The following RNLS variants were observed in gnomAD, a reference collection of about 807,000 sequenced individuals.
The protein encoded by RNLS is renalase, FAD dependent amine oxidase, also known as renalase.
In RNLS, 39 loss-of-function variants were observed where a neutral mutation model predicts 39.8. That is an observed-to-expected ratio of 0.98 (90% confidence interval 0.76 to 1.28). The LOEUF is 1.28. RNLS is among the 50% of genes most tolerant of loss of function. The pLI, the probability that RNLS is intolerant of heterozygous loss-of-function variation, is 0.00. For missense variants in RNLS, 410 were observed against 413.3 expected (o/e 0.99, Z 0.07); for synonymous variants, 147 against 150.7 (o/e 0.98, Z 0.18).
At chr10:88,526,880 C>T (rs927652478) in intron 4 of RNLS, among the ~76,000 whole-genome samples, 16 of 151,640 alleles carry the variant, frequency 1.1e-4, no homozygotes, top group Middle Eastern at 3.4e-3. Flanking sequence ...CCAGTAAAGC[C>T]GCAGAACTGC....
chr10:88,281,002 G>C (rs1842990485), downstream of RNLS, among the ~76,000 whole-genome samples: 1 of 152,122 alleles, frequency 6.6e-6, no homozygotes, highest in South Asian at 2.1e-4. Context: ...CTGTTGAGTG[G>C]ACAATAATTA....
At chr10:88,533,308 G>A (rs552350911) in intron 4 of RNLS, among the ~76,000 whole-genome samples, 3 of 152,016 alleles carry the variant, frequency 2.0e-5, no homozygotes, top group African/African-American at 4.8e-5. Context: ...GCTGAGGATA[G>A]AATAAAAGGA....
At chr10:88,527,416 G>A (rs1361109555) in intron 4 of RNLS, among the ~76,000 whole-genome samples, 2 of 152,116 alleles carry the variant, frequency 1.3e-5, no homozygotes, top group African/African-American at 4.8e-5. Flanking sequence ...TAAAATCCAA[G>A]CCCTGCTCCA....
intron 4 of RNLS, among the ~76,000 whole-genome samples, chr10:88,392,947 C>A (rs1228967761): frequency 6.6e-6 from 1 of 152,172 alleles, no homozygotes; most frequent in Non-Finnish European, 1.5e-5. Flanking sequence ...ACATGATTAT[C>A]TCAATAGATG....
At chr10:88,294,252 T>C (rs897084776) in intron 6 of RNLS, among the ~76,000 whole-genome samples, 3 of 152,152 alleles carry the variant, frequency 2.0e-5, no homozygotes, top group Non-Finnish European at 4.4e-5. Context: ...TGTCAATAAA[T>C]GAAGGAGAGA....
chr10:88,276,505 C>G (rs1195039227), intron 6 of RNLS, among the ~76,000 whole-genome samples: 1 of 151,892 alleles, frequency 6.6e-6, no homozygotes, highest in African/African-American at 2.4e-5. Context: ...AAACTAAATA[C>G]CTTGCTAATT....
intron 3 of RNLS, among the ~76,000 whole-genome samples, chr10:88,578,518 T>C (rs1256719713): frequency 6.6e-6 from 1 of 152,112 alleles, no homozygotes; most frequent in Non-Finnish European, 1.5e-5. Context: ...ACAAATCCTA[T>C]AGATAATAGA....
intron 4 of RNLS, among the ~76,000 whole-genome samples, chr10:88,494,223 G>A (rs568091359): frequency 1.4e-4 from 22 of 152,154 alleles, no homozygotes; most frequent in Middle Eastern, 3.4e-3. Flanking sequence ...GAAGTTACAC[G>A]GAAAAATGTT....
chr10:88,536,408 A>C (rs902599491), intron 4 of RNLS, among the ~76,000 whole-genome samples: 13 of 152,168 alleles, frequency 8.5e-5, no homozygotes, highest in Non-Finnish European at 1.6e-4. Context: ...CAGTCTTGCC[A>C]CCTTCCCCCA....
intron 4 of RNLS, among the ~76,000 whole-genome samples, chr10:88,465,648 C>T (rs1003610288): frequency 2.0e-5 from 3 of 151,926 alleles, no homozygotes; most frequent in Admixed American, 6.6e-5. Flanking sequence ...GATGGCCAAT[C>T]GAATTGAGGG....
chr10:88,502,297 G>A (rs180910992), intron 4 of RNLS, among the ~76,000 whole-genome samples: 1 of 145,486 alleles, frequency 6.9e-6, no homozygotes, highest in Non-Finnish European at 1.5e-5. Context: ...AGCAGAGGTG[G>A]GGTAGGGTTG....
chr10:88,283,899 A>C (rs533673373), downstream of RNLS, among the ~76,000 whole-genome samples: 3 of 152,258 alleles, frequency 2.0e-5, no homozygotes, highest in East Asian at 5.8e-4. Flanking sequence ...TCCGTACAAC[A>C]AATCTCTGTC....
intron 6 of RNLS, among the ~76,000 whole-genome samples, chr10:88,304,082 C>A (rs912035120): frequency 1.4e-4 from 21 of 152,208 alleles, no homozygotes; most frequent in Non-Finnish European, 2.5e-4. Flanking sequence ...GAGTTGGGAG[C>A]TAAGTGTTGG....
At chr10:88,204,899 T>C in the RNLS span, among the ~76,000 whole-genome samples, 3 of 152,170 alleles carry the variant, frequency 2.0e-5, no homozygotes, top group African/African-American at 7.2e-5. Flanking sequence ...AAAGACATGG[T>C]CCTTACCCTA....
At position 88,582,248 on chromosome 10, in the gene RNLS, C is replaced by T; in HGVS notation, c.178G>A (p.Ala60Thr). 6.2e-7 allele frequency: 1 copy of T among 1,614,132 alleles called. No individual in the cohort carries two copies. The highest frequency in any genetic ancestry group is 8.5e-7 in the Non-Finnish European group (1 of 1,179,996). The part of the protein sequence containing the change: ...HNPQCTADLG[A>T]QYITCTPHYA... ...TGAGGAGTGCAGGTGATGTACTGAG[C>T]ACCCAAGTCAGCTGTGCACTGAGGA... is the stretch of plus-strand genomic sequence containing the variant. The change falls in exon 2 of 7, where the codon GCT (alanine) becomes ACT (threonine). Residue 60 changes from alanine to threonine, a missense_variant. Coordinates refer to ENST00000331772, the MANE Select transcript of RNLS (RefSeq NM_001031709.3).
the RNLS span, among the ~76,000 whole-genome samples, chr10:88,196,407 T>C: frequency 6.6e-6 from 1 of 152,218 alleles, no homozygotes; most frequent in African/African-American, 2.4e-5. Context: ...AAAATGTCTT[T>C]GGTAGATGGA....
At chr10:88,392,820 T>C (rs1852289254) in intron 4 of RNLS, among the ~76,000 whole-genome samples, 1 of 152,090 alleles carries the variant, frequency 6.6e-6, no homozygotes, top group Admixed American at 6.6e-5. Flanking sequence ...CTCAGGCACA[T>C]CAAAAAGCTT....
At chr10:88,404,440 A>T (rs528925198) in intron 4 of RNLS, among the ~76,000 whole-genome samples, 4 of 152,170 alleles carry the variant, frequency 2.6e-5, no homozygotes, top group African/African-American at 9.6e-5. Context: ...TTTCCCCCAG[A>T]CATTTTATTC....
At chr10:88,187,312 C>T in the RNLS span, among the ~76,000 whole-genome samples, 3 of 150,612 alleles carry the variant, frequency 2.0e-5, no homozygotes, top group Non-Finnish European at 3.0e-5. Context: ...TGGCATTGAT[C>T]GGAGTGTGAC....
Sources: allele counts gnomAD v4.1 joint callset (sites outside exome capture counted in the v4.1 genomes callset), GRCh38; gene constraint gnomAD v4.1.1; transcripts MANE v1.5; gene names NCBI Gene and HGNC (gene_info 2026-07-23, HGNC 2026-07-21).